The following SYNE3 variants were observed in gnomAD, a reference collection of about 807,000 sequenced individuals.
SYNE3 encodes spectrin repeat containing nuclear envelope family member 3.
Under a neutral mutation model 111.2 loss-of-function variants are expected in SYNE3, and 100 were observed. That is an observed-to-expected ratio of 0.90 (90% CI 0.77 to 1.06). SYNE3 has a LOEUF of 1.06. Ranked by LOEUF, SYNE3 falls within the 50% of genes least tolerant of loss-of-function variation. The probability of loss-of-function intolerance (pLI) is 0.00; values close to 1 mark genes in which losing one functional copy is unlikely to be tolerated. For synonymous variants in SYNE3, 547 were observed against 533.9 expected (o/e 1.02, Z -0.34); for missense variants, 1,160 against 1,240.3 (o/e 0.94, Z 0.97).
chr14:95,463,897 C>T (rs1022215938), intron 4 of SYNE3, among the ~76,000 whole-genome samples: 5 of 152,244 alleles, frequency 3.3e-5, no homozygotes, highest in Admixed American at 6.5e-5. Flanking sequence ...GAGTAGAAGT[C>T]GTTCTTTATA....
Position 95,466,171 on chromosome 14 carries a change from G to A in SYNE3, c.387C>T (p.Phe129=), listed in dbSNP as rs763309004. 3 of 1,605,540 alleles carry A rather than the reference G, an allele frequency of 1.9e-6. No individual in the cohort carries two copies. Among genetic ancestry groups the A allele is most frequent in the Non-Finnish European group, 2.6e-6 (3 of 1,173,112 alleles). Residue 129 remains phenylalanine (F), a synonymous_variant, in exon 4 of 18, where the codon TTC becomes TTT. Coordinates refer to ENST00000682763, the MANE Select transcript of SYNE3 (RefSeq NM_152592.6). ...GCTCCAGTGTGACCATCATCTTCTG[G>A]AACCAGCGGTAGAACTCATCTCGGG... ...LLARDEFYRW[F]QKMMVTLEPH... is the part of the protein sequence containing the mutation.
intron 5 of SYNE3, chr14:95,455,969 C>T (rs747318899): frequency 7.9e-6 from 4 of 505,164 alleles, no homozygotes; most frequent in Middle Eastern, 5.1e-4. Flanking sequence ...AGGAGAAAGT[C>T]TCTGTTGGGT....
intron 1 of SYNE3, among the ~76,000 whole-genome samples, chr14:95,482,986 G>A (rs1168479169): frequency 9.2e-5 from 14 of 152,038 alleles, no homozygotes; most frequent in Non-Finnish European, 1.0e-4. Flanking sequence ...CAGCTTCCAC[G>A]GCCCTCTCTG....
Position 95,452,269 on chromosome 14 carries a change from C to G in SYNE3, c.1252G>C (p.Ala418Pro). ...NLKPLSDSVI[A>P]TIQEYQSLKV... ...TACCTCTGATACTCCTGGATGGTAG[C>G]GATGACACTATCAGAGAGTGGCTTC... The change falls in exon 7 of 18, where the codon GCT becomes CCT. Residue 418 changes from alanine to proline, a missense_variant. Transcript: ENST00000682763. 3 of 1,611,948 alleles carry G rather than the reference C, an allele frequency of 1.9e-6. No homozygotes were observed. The highest frequency in any genetic ancestry group is 2.5e-6 in the Non-Finnish European group (3 of 1,178,628).
At position 95,467,980 on chromosome 14, in the gene SYNE3, C is replaced by A. The variant is rs1457900018; in HGVS notation, c.145-13G>T. The A allele has an allele frequency of 6.3e-7, 1 of 1,599,386 alleles. No homozygotes were observed. The highest frequency in any genetic ancestry group is 8.5e-7 in the Non-Finnish European group (1 of 1,170,226). ...GCTGGCATATTTTCTGTTGTGGACACACAAGCCAGTTTCCAGGGTTGGCAA... is the reference window on the plus strand; with the variant it reads ...GCTGGCATATTTTCTGTTGTGGACAAACAAGCCAGTTTCCAGGGTTGGCAA... On this transcript the variant is annotated splice_polypyrimidine_tract_variant and intron_variant, in intron 2 of 17. Coordinates refer to ENST00000682763, the MANE Select transcript of SYNE3 (RefSeq NM_152592.6).
At chr14:95,509,652 G>A (rs567720376) in intron 1 of SYNE3, among the ~76,000 whole-genome samples, 11 of 152,336 alleles carry the variant, frequency 7.2e-5, no homozygotes, top group East Asian at 5.8e-4. Context: ...ACCCCAGTGC[G>A]TCAGCCAGCT....
chr14:95,461,967 G>A lies in SYNE3; in HGVS notation c.627+3964C>T, dbSNP rs182681316. Among the ~76,000 whole-genome samples, 1,058 of 152,268 alleles carry A rather than the reference G, an allele frequency of 6.9e-3. 18 individuals carry two copies. Among genetic ancestry groups the A allele is most frequent in the African/African-American group, 0.024 (1,012 of 41,550 alleles). On this transcript the variant is annotated intron_variant, in intron 4 of 17. Transcript: ENST00000682763. Reference sequence around the variant, plus strand: ...TGGGGACACCCAGGAGGTCAATGCCGGGGGCTGCATCCCACCTTGCTGATG... The same window carrying A: ...TGGGGACACCCAGGAGGTCAATGCCAGGGGCTGCATCCCACCTTGCTGATG...
At chr14:95,427,754 C>T (rs183925431) in intron 17 of SYNE3, among the ~76,000 whole-genome samples, 1,471 of 144,206 alleles carry the variant, frequency 0.01, 27 homozygotes, top group African/African-American at 0.036. Flanking sequence ...GGGGCCACTA[C>T]CGGTCTCTGT....
At chr14:95,444,261 A>T in intron 10 of SYNE3, 2 of 525,124 alleles carry the variant, frequency 3.8e-6, no homozygotes, top group Non-Finnish European at 6.5e-6. Flanking sequence ...ACAGAAAGAC[A>T]GTTTGTCATT....
At chr14:95,445,060 G>A (rs1886632790) in intron 9 of SYNE3, among the ~76,000 whole-genome samples, 1 of 152,228 alleles carries the variant, frequency 6.6e-6, no homozygotes, top group African/African-American at 2.4e-5. Context: ...AACCCTTGCT[G>A]TAAAACAGCA....
intron 1 of SYNE3, among the ~76,000 whole-genome samples, chr14:95,510,886 G>T (rs1395784548): frequency 6.6e-6 from 1 of 152,234 alleles, no homozygotes. Context: ...TTGCAGGAGA[G>T]CAGCAAGACA....
At position 95,435,486 on chromosome 14, in the gene SYNE3, T is replaced by G. The variant is rs376105266; in HGVS notation, c.2538+1334A>C. Among the ~76,000 whole-genome samples, 129 of 151,564 alleles carry G rather than the reference T, an allele frequency of 8.5e-4. 3 individuals are homozygous for G. In the South Asian group the frequency reaches 0.026, roughly 31 times the overall value. On this transcript the variant is annotated intron_variant, in intron 15 of 17. Transcript: ENST00000682763. ...AGAGTAAGAGACATAAAGCACACAG[T>G]GAGAAGTAGTTACATATGTTTAAAT...
chr14:95,439,834 G>C (rs1886308724), intron 12 of SYNE3, 50 bp from the exon 13 acceptor site: 5 of 1,591,224 alleles, frequency 3.1e-6, no homozygotes, highest in Non-Finnish European at 4.3e-6. Flanking sequence ...GGTGGAGGGA[G>C]GTTTCTGCTC....
In SYNE3 at chr14:95,413,125, T is replaced by C. The variant is rs1903476235; in HGVS notation, c.*4701A>G. ...AGTTGGGAACCATGAAGGCACAGCC[T>C]GCCATTCCCATTCTCTTTTTCTCTC... On this transcript the variant is annotated 3_prime_UTR_variant, in exon 18 of 18. Coordinates refer to ENST00000682763, the MANE Select transcript of SYNE3 (RefSeq NM_152592.6). The C allele has an allele frequency of 6.6e-6, 1 of 152,170 alleles. No individual in the cohort carries two copies. Among genetic ancestry groups the C allele is most frequent in the African/African-American group, 2.4e-5 (1 of 41,442 alleles). 9.4% of individuals were successfully genotyped at this position (152,170 alleles called of 1,614,324 possible).
chr14:95,468,699 C>G (rs1158646081), intron 2 of SYNE3, among the ~76,000 whole-genome samples: 1 of 152,210 alleles, frequency 6.6e-6, no homozygotes, highest in Non-Finnish European at 1.5e-5. Context: ...CTCTGACCAG[C>G]CTCTCCTGGC....
At position 95,439,018 on chromosome 14, in the gene SYNE3, G is replaced by A. The variant is rs1272613279; in HGVS notation, c.2376+15C>T. ...GCCTGGCCCCTTCTCCCACAGCCCTGCTAGACAGACTCACGCGTCGACGAT... is the reference window on the plus strand; with the variant it reads ...GCCTGGCCCCTTCTCCCACAGCCCTACTAGACAGACTCACGCGTCGACGAT... On this transcript the variant is annotated intron_variant, in intron 14 of 17. Transcript: ENST00000682763. 1 of 1,613,518 alleles carries A rather than the reference G, an allele frequency of 6.2e-7. No homozygotes were observed. The highest frequency in any genetic ancestry group is 2.2e-5 in the East Asian group (1 of 44,890).
At chr14:95,511,757 G>A (rs1890730009) in intron 1 of SYNE3, among the ~76,000 whole-genome samples, 1 of 151,982 alleles carries the variant, frequency 6.6e-6, no homozygotes, top group East Asian at 1.9e-4. Context: ...TAAATAAAAT[G>A]ATCCTATCAG....
At chr14:95,493,692 G>A (rs930645838) in intron 1 of SYNE3, among the ~76,000 whole-genome samples, 6 of 152,344 alleles carry the variant, frequency 3.9e-5, no homozygotes, top group African/African-American at 1.4e-4. Context: ...TGGCTGCATC[G>A]CTGTGGGAAG....
chr14:95,491,212 C>A (rs1566685747), intron 1 of SYNE3, among the ~76,000 whole-genome samples: 2 of 152,074 alleles, frequency 1.3e-5, no homozygotes, highest in Non-Finnish European at 2.9e-5. Context: ...AACCTCCCTG[C>A]AGGTAACATG....
Sources: allele counts gnomAD v4.1 joint callset (sites outside exome capture counted in the v4.1 genomes callset), GRCh38; gene constraint gnomAD v4.1.1; transcripts MANE v1.5; gene names NCBI Gene and HGNC (gene_info 2026-07-23, HGNC 2026-07-21).